Variants in FMO4 observed in about 807,000 individuals in gnomAD.
The protein encoded by FMO4 is dimethylaniline monooxygenase [N-oxide-forming] 4.
A neutral mutation model predicts 43.3 loss-of-function variants in FMO4; 38 were observed. The ratio of observed to expected loss-of-function variants is 0.88; its 90% confidence interval spans 0.68 to 1.15. FMO4 has a LOEUF of 1.15. FMO4 is among the 50% of genes most tolerant of loss of function. The pLI is 0.00. For synonymous variants in FMO4, 224 were observed against 232.2 expected, an observed-to-expected ratio of 0.96 and a Z score of 0.32; for missense variants, 631 against 663.3, an observed-to-expected ratio of 0.95 and a Z score of 0.54.
Position 171,334,491 on chromosome 1 carries a change from T to C in FMO4, c.908T>C (p.Ile303Thr), listed in dbSNP as rs754244016. Residue 303 changes from isoleucine to threonine, a missense_variant, in exon 8 of 10, where the codon ATT becomes ACT. Physicochemically the swap from Ile to Thr is moderately conservative, Grantham distance 89 (BLOSUM62 -1). Transcript: ENST00000367749. The stretch of plus-strand genomic sequence containing the variant: ...GCAATCACTATGAAAACCAGCGTGA[T>C]TGAATTTACAGAAACCTCTGCTGTC... ...CGAITMKTSV[I>T]EFTETSAVFE... is the part of the protein sequence containing the mutation. 1.6e-5 allele frequency: 26 copies of C among 1,613,714 alleles called. No homozygotes were observed. Among genetic ancestry groups the C allele is most frequent in the Admixed American group, 6.7e-5 (4 of 59,952 alleles).
chr1:171,341,343 G>A, intron 9 of FMO4, 70 bp from the exon 10 acceptor site: 1 of 1,106,698 alleles, frequency 9.0e-7, no homozygotes, highest in East Asian at 2.4e-5. Flanking sequence ...GAGGATGGGT[G>A]GGTCTGATAA....
intron 1 of FMO4, among the ~76,000 whole-genome samples, chr1:171,315,926 C>G (rs1435447691): frequency 6.6e-6 from 1 of 152,080 alleles, no homozygotes; most frequent in African/African-American, 2.4e-5. Flanking sequence ...GGACTTAGCA[C>G]AAGGTAGTAT....
At position 171,341,458 on chromosome 1, in the gene FMO4, C is replaced by T. The variant is rs374220655; in HGVS notation, c.1296C>T (p.Ala432=). The change falls in exon 10 of 10, where the codon GCC becomes GCT. Residue 432 remains alanine (A), a synonymous_variant. Coordinates refer to ENST00000367749, the MANE Select transcript of FMO4 (RefSeq NM_002022.3). ...DTSKDKFDYI[A]YMDDIAACIG... is the part of the protein sequence containing the mutation. ...GCAAAGACAAATTTGACTACATTGC[C>T]TACATGGATGATATCGCTGCCTGCA... 1.2e-6 allele frequency: 2 copies of T among 1,613,870 alleles called. No individual in the cohort carries two copies. The highest frequency in any genetic ancestry group is 1.7e-6 in the Non-Finnish European group (2 of 1,179,882).
intron 5 of FMO4, among the ~76,000 whole-genome samples, chr1:171,328,984 A>G (rs972478458): frequency 2.0e-5 from 3 of 152,178 alleles, no homozygotes; most frequent in African/African-American, 7.2e-5. Flanking sequence ...CAAAATGTGC[A>G]ACTGTATGTA....
In FMO4 at chr1:171,332,730, G is replaced by T. The variant is rs148682062; in HGVS notation, c.649G>T (p.Gly217Cys). 3.7e-6 allele frequency: 6 copies of T among 1,609,092 alleles called. No individual in the cohort carries two copies. In the African/African-American group the frequency reaches 6.7e-5, roughly 18 times the overall value. ...AAQVLLSTRT[G>C]TWVLGRSSDW... is the part of the protein sequence containing the mutation. ...TTAGGTACTTCTCAGTACTAGAACT[G>T]GTACCTGGGTTCTTGGGCGCTCTTC... The change falls in exon 7 of 10, where the codon GGT becomes TGT. Residue 217 changes from glycine to cysteine, a missense_variant. By Grantham distance (159) the Gly-to-Cys change is radical. Transcript: ENST00000367749.
rs757037297 is a variant in FMO4 at position 171,337,343 on chromosome 1, A to AT, written c.1181-8dup. ...ACATGTGACTTTAGTGTTGTTTGTG[A>AT]TTTTTCCCACAGGACTCTGTAAGAT... On this transcript the variant is annotated splice_polypyrimidine_tract_variant and intron_variant, in intron 8 of 9. Transcript: ENST00000367749. 5 of 1,597,244 alleles carry AT rather than the reference A, an allele frequency of 3.1e-6. No homozygotes were observed. In the South Asian group the frequency reaches 5.5e-5, roughly 18 times the overall value.
At chr1:171,324,911 C>T (rs1296820239) in intron 5 of FMO4, among the ~76,000 whole-genome samples, 1 of 149,120 alleles carries the variant, frequency 6.7e-6, no homozygotes, top group African/African-American at 2.6e-5. Flanking sequence ...AGTAGGAGAC[C>T]AGCCTGGGCA....
At chr1:171,337,505 C>A in intron 9 of FMO4, 80 bp downstream of exon 9, 3 of 965,760 alleles carry the variant, frequency 3.1e-6, no homozygotes, top group Non-Finnish European at 5.0e-6. Flanking sequence ...AAAAGCCATT[C>A]CTAGAGAAGC....
chr1:171,331,840 G>C (rs1198364033), intron 6 of FMO4, 58 bp downstream of exon 6: 8 of 1,512,004 alleles, frequency 5.3e-6, no homozygotes, highest in Admixed American at 5.1e-5. Context: ...TGGCTGGAAA[G>C]AGATATTCAA....
At chr1:171,323,964 T>A (rs1477117048) in intron 4 of FMO4, among the ~76,000 whole-genome samples, 174 bp from the exon 5 acceptor site, 2 of 152,250 alleles carry the variant, frequency 1.3e-5, no homozygotes, top group Non-Finnish European at 2.9e-5. Flanking sequence ...TATTGCCACC[T>A]TTGTGAGTTT....
chr1:171,340,862 AAT>A (rs1300799889), intron 9 of FMO4, among the ~76,000 whole-genome samples: 1 of 152,110 alleles, frequency 6.6e-6, no homozygotes, highest in African/African-American at 2.4e-5. Flanking sequence ...CAGGTCAATA[AAT>A]TTAGAGGAAA....
At position 171,337,332 on chromosome 1, in the gene FMO4, T is replaced by C. The variant is rs752543666; in HGVS notation, c.1181-24T>C. On this transcript the variant is annotated intron_variant, in intron 8 of 9. Coordinates refer to ENST00000367749, the MANE Select transcript of FMO4 (RefSeq NM_002022.3). ...AAGGAAAAGCCACATGTGACTTTAG[T>C]GTTGTTTGTGATTTTTCCCACAGGA... 8 of 1,525,842 alleles carry C rather than the reference T, an allele frequency of 5.2e-6. No homozygotes were observed. The Admixed American group carries it at 1.0e-4, about 19-fold the overall frequency. The allele number at this position is 1,525,842 out of a possible 1,614,324, so 94.5% of individuals were successfully genotyped here.
At chr1:171,332,580 T>C (rs2101898733) in intron 6 of FMO4, 129 bp from the exon 7 acceptor site, 1 of 678,732 alleles carries the variant, frequency 1.5e-6, no homozygotes, top group Non-Finnish European at 2.5e-6. Context: ...TGTAGACCTA[T>C]GTACAAATTC....
intron 8 of FMO4, among the ~76,000 whole-genome samples, chr1:171,337,069 G>A (rs1663150360): frequency 6.6e-6 from 1 of 152,032 alleles, no homozygotes. Flanking sequence ...GACAGGGCAG[G>A]CCAACTGGCA....
chr1:171,329,392 G>A (rs1187312265), intron 5 of FMO4, among the ~76,000 whole-genome samples: 3 of 152,108 alleles, frequency 2.0e-5, no homozygotes, highest in African/African-American at 7.2e-5. Context: ...CCAGGTCATC[G>A]CCACACAGAC....
chr1:171,332,925 T>G lies in FMO4; in HGVS notation c.827+17T>G. On this transcript the variant is annotated intron_variant, in intron 7 of 9. Coordinates refer to ENST00000367749, the MANE Select transcript of FMO4 (RefSeq NM_002022.3). ...TACCAAAGGGTACTTACATTTTTTA[T>G]TTAGTAGAAAAAATATTAAATCAAT... 2.8e-6 allele frequency: 3 copies of G among 1,060,316 alleles called. No homozygotes were observed. In the South Asian group the frequency reaches 4.0e-5, roughly 14 times the overall value. 65.7% of individuals were successfully genotyped at this position (1,060,316 alleles called of 1,614,324 possible).
At chr1:171,334,861 ATTT>A (rs1447682624) in intron 8 of FMO4, 98 bp downstream of exon 8, 1 of 635,966 alleles carries the variant, frequency 1.6e-6, no homozygotes, top group African/African-American at 1.8e-5. Flanking sequence ...GTAACAAAAT[ATTT>A]TTAACATTAG....
intron 9 of FMO4, among the ~76,000 whole-genome samples, chr1:171,340,941 A>G (rs1663348861): frequency 6.6e-6 from 1 of 152,100 alleles, no homozygotes; most frequent in African/African-American, 2.4e-5. Flanking sequence ...TTCTTTTGTA[A>G]TTGTGTAAAA....
intron 7 of FMO4, 100 bp from the exon 8 acceptor site, chr1:171,334,311 T>C: frequency 2.9e-6 from 2 of 695,348 alleles, no homozygotes; most frequent in Non-Finnish European, 4.8e-6. Flanking sequence ...TTCTCTTCCT[T>C]AGCTTGGCAG....
Sources: allele counts gnomAD v4.1 joint callset (sites outside exome capture counted in the v4.1 genomes callset), GRCh38; gene constraint gnomAD v4.1.1; transcripts MANE v1.5; gene names NCBI Gene and HGNC (gene_info 2026-07-23, HGNC 2026-07-21).